CWF19L2: variants seen among roughly 807,000 people sequenced by gnomAD.
CWF19L2 encodes the protein CWF19 like cell cycle control factor 2.
In CWF19L2, 98 loss-of-function variants were observed where a neutral mutation model predicts 111.7. That is an observed-to-expected ratio of 0.88 (90% CI 0.75 to 1.04). The LOEUF (loss-of-function observed/expected upper bound fraction) is 1.04, where lower values mean the gene tolerates loss of function less well. Among genes scored for constraint, CWF19L2 ranks in the 50% least tolerant of loss-of-function variants. CWF19L2 has a pLI of 0.00. For missense variants in CWF19L2, 1,101 were observed against 1,051.4 expected, an observed-to-expected ratio of 1.05 and a Z score of -0.65; for synonymous variants, 351 against 342.9, an observed-to-expected ratio of 1.02 and a Z score of -0.26.
intron 6 of CWF19L2, 53 bp downstream of exon 6, chr11:107,439,035 GAA>G (rs375132996): frequency 3.9e-3 from 1,146 of 290,648 alleles, no homozygotes; most frequent in Middle Eastern, 9.9e-3. Flanking sequence ...ACTCTGTCTC[GAA>G]AAAAAAAAAA....
chr11:107,351,152 T>A (rs1860151169), intron 13 of CWF19L2, among the ~76,000 whole-genome samples: 1 of 152,226 alleles, frequency 6.6e-6, no homozygotes, highest in Admixed American at 6.5e-5. Context: ...ATTAGGAAAC[T>A]ATTACAGAAG....
rs1194104619 is a variant in CWF19L2 at position 107,457,751 on chromosome 11, T to C, written c.66A>G (p.Lys22=). 6.4e-7 allele frequency: 1 copy of C among 1,551,762 alleles called. No individual in the cohort carries two copies. Among genetic ancestry groups the C allele is most frequent in the South Asian group, 1.2e-5 (1 of 84,064 alleles). Residue 22 remains lysine, a synonymous_variant, in exon 1 of 18, where the codon AAA becomes AAG. Transcript: ENST00000282251. The part of the protein sequence containing the change: ...FESAKSIEER[K]EQTRNARAEV... ...CGGCCCTGGCATTCCGGGTCTGTTC[T>C]TTCCGCTCTTCGATACTCTTCGCAC...
At chr11:107,451,961 C>G (rs1460982932) in intron 3 of CWF19L2, among the ~76,000 whole-genome samples, 1 of 152,152 alleles carries the variant, frequency 6.6e-6, no homozygotes, top group Non-Finnish European at 1.5e-5. Flanking sequence ...GAAAGTCCCA[C>G]AGCAGACATC....
intron 7 of CWF19L2, among the ~76,000 whole-genome samples, chr11:107,430,614 T>C (rs187658043): frequency 6.6e-6 from 1 of 152,178 alleles, no homozygotes; most frequent in East Asian, 1.9e-4. Flanking sequence ...AATGCAATGG[T>C]CAAGTCTAAA....
At chr11:107,369,481 T>G (rs79615831) in intron 12 of CWF19L2, among the ~76,000 whole-genome samples, 9,036 of 136,830 alleles carry the variant, frequency 0.066, 1,919 homozygotes, top group East Asian at 0.28. Flanking sequence ...AAAACCATAA[T>G]GACAAACCAC....
intron 16 of CWF19L2, among the ~76,000 whole-genome samples, chr11:107,333,839 T>G (rs1210093145): frequency 6.6e-6 from 1 of 152,148 alleles, no homozygotes; most frequent in Non-Finnish European, 1.5e-5. Flanking sequence ...GGAGAAGTAT[T>G]CCAGTGACAC....
chr11:107,384,406 C>T (rs374513535), intron 12 of CWF19L2, among the ~76,000 whole-genome samples: 38 of 152,200 alleles, frequency 2.5e-4, no homozygotes, highest in East Asian at 5.8e-4. Flanking sequence ...TTTTATACAA[C>T]GTTTTAAATA....
At chr11:107,341,818 A>G (rs1860009361) in intron 14 of CWF19L2, among the ~76,000 whole-genome samples, 2 of 152,100 alleles carry the variant, frequency 1.3e-5, no homozygotes, top group African/African-American at 4.8e-5. Context: ...GTGTTGTAAC[A>G]GTTTGCATTT....
chr11:107,351,437 C>T (rs968864269), intron 13 of CWF19L2, among the ~76,000 whole-genome samples: 2 of 152,148 alleles, frequency 1.3e-5, no homozygotes, highest in African/African-American at 4.8e-5. Flanking sequence ...ACCTAAGTTT[C>T]AGATGTTTAC....
intron 4 of CWF19L2, 120 bp downstream of exon 4, chr11:107,442,819 G>GGA (rs1861647838): frequency 2.5e-4 from 85 of 344,808 alleles, no homozygotes; most frequent in African/African-American, 1.8e-3. Context: ...AGGGAGGGAG[G>GGA]GGGAGGGAGG....
intron 14 of CWF19L2, among the ~76,000 whole-genome samples, chr11:107,337,711 T>TC (rs1192889423): frequency 6.6e-6 from 1 of 152,200 alleles, no homozygotes; most frequent in African/African-American, 2.4e-5. Context: ...GATCAGGAGT[T>TC]CAAGATCAAG....
chr11:107,362,349 G>C (rs1372116900), intron 12 of CWF19L2, among the ~76,000 whole-genome samples: 1 of 151,938 alleles, frequency 6.6e-6, no homozygotes, highest in Non-Finnish European at 1.5e-5. Flanking sequence ...GCCTGCCTCT[G>C]TAGGCTTCAC....
intron 7 of CWF19L2, among the ~76,000 whole-genome samples, chr11:107,430,700 G>A (rs1405286365): frequency 6.6e-6 from 1 of 152,084 alleles, no homozygotes; most frequent in South Asian, 2.1e-4. Context: ...CAGAAAGTAG[G>A]AAGGTGGTTA....
intron 8 of CWF19L2, among the ~76,000 whole-genome samples, chr11:107,427,527 G>A (rs757970991): frequency 2.0e-5 from 3 of 151,934 alleles, no homozygotes; most frequent in African/African-American, 2.4e-5. Flanking sequence ...TCAGACAACC[G>A]GTTGGAATAC....
chr11:107,373,430 G>T (rs551915431), intron 12 of CWF19L2, among the ~76,000 whole-genome samples: 1 of 135,896 alleles, frequency 7.4e-6, no homozygotes, highest in Non-Finnish European at 1.6e-5. Context: ...ATCTGAGAAC[G>T]GGCAGACTGC....
At chr11:107,404,540 G>A (rs936610472) in intron 10 of CWF19L2, 1 of 684,294 alleles carries the variant, frequency 1.5e-6, no homozygotes. Context: ...GGGCATTTGT[G>A]TTGCAGGAGC....
intron 6 of CWF19L2, among the ~76,000 whole-genome samples, chr11:107,436,196 A>G (rs1245816161): frequency 2.6e-5 from 4 of 152,044 alleles, no homozygotes; most frequent in Non-Finnish European, 5.9e-5. Flanking sequence ...TGAATGTACA[A>G]TAGGAAGTAC....
intron 3 of CWF19L2, among the ~76,000 whole-genome samples, chr11:107,451,476 ACAAC>A (rs1220991140): frequency 6.6e-6 from 1 of 151,182 alleles, no homozygotes; most frequent in Non-Finnish European, 1.5e-5. Flanking sequence ...TAGAAAACAC[ACAAC>A]CAGAGAAAAT....
chr11:107,385,565 T>C (rs1377499167), intron 12 of CWF19L2, among the ~76,000 whole-genome samples: 1 of 152,252 alleles, frequency 6.6e-6, no homozygotes, highest in African/African-American at 2.4e-5. Flanking sequence ...CCAAATCAGC[T>C]AATATTAAAT....
Sources: allele counts gnomAD v4.1 joint callset (sites outside exome capture counted in the v4.1 genomes callset), GRCh38; gene constraint gnomAD v4.1.1; transcripts MANE v1.5; gene names NCBI Gene and HGNC (gene_info 2026-07-23, HGNC 2026-07-21).